The following ELAVL4 variants were observed in gnomAD, a reference collection of about 807,000 sequenced individuals.
The protein encoded by ELAVL4 is ELAV-like protein 4.
In ELAVL4, 1 loss-of-function variant was observed where a neutral mutation model predicts 35.6. The observed-to-expected ratio is 0.03, with a 90% CI of 0.01 to 0.13. The LOEUF is 0.13. ELAVL4 is among the 10% of genes least tolerant of loss of function. The pLI is 1.00. For missense variants in ELAVL4, 267 were observed against 464.9 expected, an observed-to-expected ratio of 0.57 and a Z score of 3.91; for synonymous variants, 156 against 171.0, an observed-to-expected ratio of 0.91 and a Z score of 0.69.
intron 2 of ELAVL4, among the ~76,000 whole-genome samples, chr1:50,160,538 C>A (rs1368605170): frequency 6.6e-6 from 1 of 152,282 alleles, no homozygotes; most frequent in Middle Eastern, 3.4e-3. Flanking sequence ...TATCAGCGAA[C>A]TCCTCGATGA....
At chr1:50,128,852 G>C (rs1228871531) in intron 1 of ELAVL4, among the ~76,000 whole-genome samples, 1 of 152,036 alleles carries the variant, frequency 6.6e-6, no homozygotes, top group Non-Finnish European at 1.5e-5. Context: ...AAGGAAGATG[G>C]GAGTCAGTGA....
chr1:50,109,015 T>TCGGGGGGGGGGGGGC lies in ELAVL4; in HGVS notation c.-174_-173insGGGGGGGGGGGGGCC. ...GCTCCTTTTCTTTTTTTTCTTTCTC[T>TCGGGGGGGGGGGGGC]CCCCCGCCCACCCCCCCAAAAATAA... On this transcript the variant is annotated 5_prime_UTR_variant, in exon 1 of 7. Transcript: ENST00000371824. 1.0e-6 allele frequency: 1 copy of TCGGGGGGGGGGGGGC among 961,046 alleles called. No individual in the cohort carries two copies. The highest frequency in any genetic ancestry group is 1.2e-6 in the Non-Finnish European group (1 of 816,926). 59.5% of individuals were successfully genotyped at this position (961,046 alleles called of 1,614,324 possible). A position where few individuals can be genotyped will look rare whatever the true frequency, so the allele number is the denominator to read the frequency against.
At chr1:50,132,876 A>G (rs1671097969) in intron 1 of ELAVL4, among the ~76,000 whole-genome samples, 1 of 152,212 alleles carries the variant, frequency 6.6e-6, no homozygotes, top group South Asian at 2.1e-4. Flanking sequence ...GAAAAGTGTA[A>G]CAATCACCTG....
chr1:50,052,195 A>G (rs556249602), intron 1 of ELAVL4, among the ~76,000 whole-genome samples: 1 of 152,350 alleles, frequency 6.6e-6, no homozygotes, highest in South Asian at 2.1e-4. Context: ...TTTCAAAATA[A>G]TTCAGCATGC....
In ELAVL4 at chr1:50,050,216, A is replaced by T. The variant is rs147401907; in HGVS notation, c.18+2034A>T. ...ATATTATATATGTACAGTGCCTGCC[A>T]TATGGGCATTCAGTAAATACTGCTA... On this transcript the variant is annotated intron_variant, in intron 1 of 6. Transcript: ENST00000448907. Among the ~76,000 whole-genome samples, 58 of 152,376 alleles carry T rather than the reference A, an allele frequency of 3.8e-4. 1 individual carries two copies. In the East Asian group the frequency reaches 9.8e-3, roughly 26 times the overall value.
chr1:50,116,227 G>A (rs1014106264), intron 1 of ELAVL4, among the ~76,000 whole-genome samples: 1 of 152,078 alleles, frequency 6.6e-6, no homozygotes, highest in Non-Finnish European at 1.5e-5. Context: ...ACAGAAACAC[G>A]AATGTCTTGC....
In ELAVL4 at chr1:50,133,599, A is replaced by AAAAAGAAAG. The variant is rs1553174454; in HGVS notation, c.10-11355_10-11354insAGAAAGAAA. Among the ~76,000 whole-genome samples the AAAAAGAAAG allele has an allele frequency of 2.2e-3, 285 of 129,258 alleles. 2 individuals carry two copies. The highest frequency in any genetic ancestry group is 7.9e-3 in the African/African-American group (272 of 34,362). The allele number at this position is 129,258 out of a possible 152,430, so 84.8% of individuals were successfully genotyped here. On this transcript the variant is annotated intron_variant, in intron 1 of 6. Coordinates refer to ENST00000371824, the MANE Select transcript of ELAVL4 (RefSeq NM_001144774.3). ...GAGAGAGAGAAAGAAAGAAAGAAAG[A>AAAAAGAAAG]AAAGAAAGAAAGAAAGAAAGAAAGA...
Position 50,171,893 on chromosome 1 carries a change from G to C in ELAVL4, c.251-5196G>C, listed in dbSNP as rs140144363. On this transcript the variant is annotated intron_variant, in intron 2 of 6. Coordinates refer to ENST00000371824, the MANE Select transcript of ELAVL4 (RefSeq NM_001144774.3). Reference sequence around the variant, plus strand: ...TAGTATGTGGATTACTGCCATGCAGGTAATTTTGAGGTGACTGGGGATTTT... The same window carrying C: ...TAGTATGTGGATTACTGCCATGCAGCTAATTTTGAGGTGACTGGGGATTTT... Among the ~76,000 whole-genome samples, 7 of 152,314 alleles carry C rather than the reference G, an allele frequency of 4.6e-5. No individual in the cohort carries two copies. The East Asian group carries it at 1.4e-3, about 29-fold the overall frequency.
chr1:50,110,363 G>A (rs1666864482), intron 1 of ELAVL4, among the ~76,000 whole-genome samples: 1 of 152,168 alleles, frequency 6.6e-6, no homozygotes, highest in South Asian at 2.1e-4. Flanking sequence ...TGCTAGGAGT[G>A]ATGGGGAAGG....
chr1:50,177,299 T>A, intron 3 of ELAVL4, 107 bp downstream of exon 3: 1 of 824,644 alleles, frequency 1.2e-6, no homozygotes, highest in Non-Finnish European at 2.0e-6. Context: ...TGTTCTTGAT[T>A]TATTCAAAGA....
intron 1 of ELAVL4, among the ~76,000 whole-genome samples, chr1:50,097,332 T>G (rs1301119998): frequency 3.3e-5 from 5 of 152,242 alleles, no homozygotes; most frequent in Non-Finnish European, 7.3e-5. Context: ...AAAAGCTTAA[T>G]TTCCCTTTAG....
At chr1:50,136,048 AC>A (rs1307055819) in intron 1 of ELAVL4, among the ~76,000 whole-genome samples, 1 of 152,184 alleles carries the variant, frequency 6.6e-6, no homozygotes, top group East Asian at 1.9e-4. Context: ...AAAAATATTA[AC>A]CTGAAGGGAC....
chr1:50,127,949 G>A (rs148110169), intron 1 of ELAVL4, among the ~76,000 whole-genome samples: 187 of 152,244 alleles, frequency 1.2e-3, no homozygotes, highest in East Asian at 6.2e-3. Context: ...CATGCCAGGC[G>A]TGCCCAGATC....
chr1:50,124,555 G>C (rs1669564687), intron 1 of ELAVL4, among the ~76,000 whole-genome samples: 1 of 152,074 alleles, frequency 6.6e-6, no homozygotes, highest in Non-Finnish European at 1.5e-5. Context: ...CCCATGTTCT[G>C]TCTCCTATTT....
chr1:50,190,503 C>CA (rs1387523471), intron 3 of ELAVL4, among the ~76,000 whole-genome samples: 1 of 152,146 alleles, frequency 6.6e-6, no homozygotes, highest in Non-Finnish European at 1.5e-5. Context: ...ACTGAGAGAA[C>CA]AATAGACTTA....
chr1:50,053,338 T>C (rs1014523522), intron 1 of ELAVL4, among the ~76,000 whole-genome samples: 1 of 152,032 alleles, frequency 6.6e-6, no homozygotes, highest in African/African-American at 2.4e-5. Context: ...TGATGGATGA[T>C]TGGTTTTTGT....
At chr1:50,108,678 T>TAA (rs1357737320), upstream of ELAVL4, among the ~76,000 whole-genome samples, 6 of 152,024 alleles carry the variant, frequency 3.9e-5, no homozygotes, top group Non-Finnish European at 4.4e-5. Context: ...AGGGAAAAGG[T>TAA]AAAAATACAA....
chr1:50,133,131 A>G (rs1019227855), intron 1 of ELAVL4, among the ~76,000 whole-genome samples: 1 of 151,980 alleles, frequency 6.6e-6, no homozygotes, highest in Non-Finnish European at 1.5e-5. Context: ...CGTTTTTCTC[A>G]CTCCTCTTAA....
chr1:50,083,347 C>A (rs1665094243), intron 1 of ELAVL4, among the ~76,000 whole-genome samples: 1 of 152,132 alleles, frequency 6.6e-6, no homozygotes, highest in South Asian at 2.1e-4. Context: ...TTCTTGAACA[C>A]CTGCCAGATA....
Sources: allele counts gnomAD v4.1 joint callset (sites outside exome capture counted in the v4.1 genomes callset), GRCh38; gene constraint gnomAD v4.1.1; transcripts MANE v1.5; gene names NCBI Gene and HGNC (gene_info 2026-07-23, HGNC 2026-07-21).